The following IFTAP variants were observed in gnomAD, a reference collection of about 807,000 sequenced individuals.
The protein encoded by IFTAP is intraflagellar transport associated protein, also known as intraflagellar transport-associated protein.
IFTAP carries 19 observed loss-of-function variants against 19.4 expected under a neutral mutation model. The ratio of observed to expected loss-of-function variants is 0.98; its 90% CI spans 0.68 to 1.44. IFTAP has a LOEUF of 1.44. Among genes scored for constraint, IFTAP ranks in the 40% most tolerant of loss-of-function variants. IFTAP has a pLI of 0.00. For synonymous variants in IFTAP, 85 were observed against 83.5 expected (o/e 1.02, Z -0.10); for missense variants, 240 against 253.6 (o/e 0.95, Z 0.36).
intron 4 of IFTAP, among the ~76,000 whole-genome samples, chr11:36,637,324 C>T (rs12279449): frequency 0.15 from 23,478 of 152,152 alleles, 2,615 homozygotes; most frequent in African/African-American, 0.31. Flanking sequence ...TATTAACCAG[C>T]AGATGTTGCA....
intron 1 of IFTAP, among the ~76,000 whole-genome samples, chr11:36,596,224 T>TTTTTG (rs1851239020): frequency 1.4e-5 from 2 of 148,052 alleles, no homozygotes; most frequent in African/African-American, 4.9e-5. Flanking sequence ...TTTTTTTTGT[T>TTTTTG]TTTTTTTTTT....
intron 4 of IFTAP, among the ~76,000 whole-genome samples, chr11:36,644,558 A>G (rs1207613901): frequency 1.3e-5 from 2 of 152,182 alleles, no homozygotes; most frequent in Non-Finnish European, 2.9e-5. Flanking sequence ...ACGTATGTTC[A>G]TTGTGGCACT....
Position 36,607,829 on chromosome 11 carries a change from A to G in IFTAP, c.-23-2252A>G, listed in dbSNP as rs182543604. On this transcript the variant is annotated intron_variant, in intron 1 of 5. Coordinates refer to ENST00000334307, the MANE Select transcript of IFTAP (RefSeq NM_138787.4). ...GCTGGGATTATAGGCATGTGCCACC[A>G]TGCCTGGCTAATTTTGTATTTTTAG... Among the ~76,000 whole-genome samples, 450 of 152,216 alleles carry G rather than the reference A, an allele frequency of 3.0e-3. 5 individuals carry two copies. Among genetic ancestry groups the G allele is most frequent in the African/African-American group, 0.01 (426 of 41,538 alleles).
At chr11:36,615,987 G>A (rs1400168739) in intron 2 of IFTAP, among the ~76,000 whole-genome samples, 1 of 151,968 alleles carries the variant, frequency 6.6e-6, no homozygotes, top group Non-Finnish European at 1.5e-5. Flanking sequence ...GGAAGCATTT[G>A]CTCCTACCTT....
chr11:36,639,569 A>T (rs190056390), intron 4 of IFTAP, among the ~76,000 whole-genome samples: 3 of 152,226 alleles, frequency 2.0e-5, no homozygotes, highest in African/African-American at 7.2e-5. Context: ...GGGGAACCAC[A>T]TGTGCAGAAA....
At chr11:36,647,981 C>G (rs933230396) in intron 4 of IFTAP, 35 bp from the exon 5 acceptor site, 32 of 1,596,398 alleles carry the variant, frequency 2.0e-5, no homozygotes, top group Non-Finnish European at 2.3e-5. Context: ...GTGAACTTTG[C>G]GAAAGGCTCA....
At chr11:36,602,328 G>A (rs1851538805) in intron 1 of IFTAP, among the ~76,000 whole-genome samples, 2 of 152,202 alleles carry the variant, frequency 1.3e-5, no homozygotes, top group South Asian at 4.1e-4. Context: ...TTGCTTTAGA[G>A]TAGGCTTCTT....
rs199873596 is a variant in IFTAP at position 36,622,083 on chromosome 11, A to AT, written c.137-11195dup. Among the ~76,000 whole-genome samples the AT allele has an allele frequency of 7.4e-4, 102 of 138,192 alleles. 1 individual carries two copies. The highest frequency in any genetic ancestry group is 2.6e-3 in the African/African-American group (94 of 35,750). The allele number at this position is 138,192 out of a possible 152,430, so 90.7% of individuals were successfully genotyped here. On this transcript the variant is annotated intron_variant, in intron 2 of 5. Transcript: ENST00000334307. The stretch of plus-strand genomic sequence containing the variant: ...TTATTTTACTTTAAGCTCTTGTTCT[A>AT]TTTTTTATTTTTTTTTTTGTGAAGG...
At chr11:36,637,575 G>A (rs1379001628) in intron 4 of IFTAP, among the ~76,000 whole-genome samples, 1 of 152,110 alleles carries the variant, frequency 6.6e-6, no homozygotes. Flanking sequence ...TAAAAATGCA[G>A]ATTTCTGGAT....
At chr11:36,613,098 ACC>A (rs1289491540) in intron 2 of IFTAP, among the ~76,000 whole-genome samples, 46 of 152,240 alleles carry the variant, frequency 3.0e-4, no homozygotes, top group African/African-American at 1.0e-3. Flanking sequence ...TCTCAATAGC[ACC>A]TTCAGTTCAG....
At position 36,643,180 on chromosome 11, in the gene IFTAP, A is replaced by T. The variant is rs145483717; in HGVS notation, c.359-4836A>T. The stretch of plus-strand genomic sequence containing the variant: ...TCAGGATACAAAATCAATGTGCAAA[A>T]ATCACAAGCATTCTTATACACCAAT... On this transcript the variant is annotated intron_variant, in intron 4 of 5. Coordinates refer to ENST00000334307, the MANE Select transcript of IFTAP (RefSeq NM_138787.4). Among the ~76,000 whole-genome samples, 270 of 152,340 alleles carry T rather than the reference A, an allele frequency of 1.8e-3. 9 individuals are homozygous for T. The East Asian group carries it at 0.036, about 20-fold the overall frequency.
chr11:36,642,518 T>C (rs973834012), intron 4 of IFTAP, among the ~76,000 whole-genome samples: 4 of 152,184 alleles, frequency 2.6e-5, no homozygotes, highest in African/African-American at 9.7e-5. Context: ...GAGACCAGCA[T>C]GATCCTGATA....
intron 4 of IFTAP, among the ~76,000 whole-genome samples, chr11:36,647,326 T>C (rs1044955680): frequency 6.6e-6 from 1 of 152,102 alleles, no homozygotes; most frequent in African/African-American, 2.4e-5. Context: ...CTGTGGAAGA[T>C]CATCAGTTGT....
chr11:36,636,043 T>C lies in IFTAP; in HGVS notation c.292-8T>C. On this transcript the variant is annotated splice_polypyrimidine_tract_variant and splice_region_variant and intron_variant, in intron 3 of 5. Coordinates refer to ENST00000334307, the MANE Select transcript of IFTAP (RefSeq NM_138787.4). The stretch of plus-strand genomic sequence containing the variant: ...CTGCTTAAAAATTATGTTAATTCTT[T>C]TTTCTAGGTAGATAATTTCCTAGAT... The C allele has an allele frequency of 6.3e-7, 1 of 1,583,108 alleles. No homozygotes were observed. The highest frequency in any genetic ancestry group is 8.7e-7 in the Non-Finnish European group (1 of 1,152,312).
intron 5 of IFTAP, among the ~76,000 whole-genome samples, chr11:36,649,761 G>A (rs570498520): frequency 7.9e-5 from 12 of 152,208 alleles, no homozygotes; most frequent in Non-Finnish European, 1.3e-4. Flanking sequence ...AATGATACAA[G>A]CCACAGATGA....
chr11:36,609,599 T>C (rs1260211530), intron 1 of IFTAP, among the ~76,000 whole-genome samples: 1 of 152,080 alleles, frequency 6.6e-6, no homozygotes, highest in Non-Finnish European at 1.5e-5. Flanking sequence ...GGATCAGACT[T>C]CTTGAGCTGG....
chr11:36,628,004 G>T (rs117469410), intron 2 of IFTAP, among the ~76,000 whole-genome samples: 3,812 of 146,090 alleles, frequency 0.026, 82 homozygotes, highest in South Asian at 0.081. Flanking sequence ...ACTCACTTGC[G>T]AACTCTTTTT....
intron 4 of IFTAP, among the ~76,000 whole-genome samples, chr11:36,645,608 C>T (rs964653638): frequency 6.6e-6 from 1 of 151,976 alleles, no homozygotes; most frequent in African/African-American, 2.4e-5. Context: ...ATATATATAA[C>T]CCACCCACGA....
At chr11:36,657,903 TCTC>T (rs1364075909) in intron 5 of IFTAP, among the ~76,000 whole-genome samples, 2 of 152,212 alleles carry the variant, frequency 1.3e-5, no homozygotes, top group African/African-American at 2.4e-5. Context: ...CAGAAGTTGT[TCTC>T]CTGCTGATTT....
Sources: gnomAD v4.1 joint callset for allele counts (sites outside exome capture counted in the v4.1 genomes callset) on GRCh38, gnomAD v4.1.1 for gene constraint, MANE v1.5 for transcripts, NCBI Gene and HGNC (gene_info 2026-07-23, HGNC 2026-07-21) for gene names.